Variants in SENP6 observed in about 807,000 individuals in gnomAD.
SENP6 encodes the protein SUMO specific peptidase 6.
A neutral mutation model predicts 134.5 loss-of-function variants in SENP6; 41 were observed. The observed-to-expected ratio is 0.30, with a 90% confidence interval of 0.24 to 0.40. The LOEUF (loss-of-function observed/expected upper bound fraction) is 0.40, where lower values mean the gene tolerates loss of function less well. SENP6 is among the 10% of genes least tolerant of loss of function. The pLI, the probability that SENP6 is intolerant of heterozygous loss-of-function variation, is 1.00. For synonymous variants in SENP6, 395 were observed against 429.8 expected (o/e 0.92, Z 1.00); for missense variants, 1,248 against 1,312.5 (o/e 0.95, Z 0.76).
rs1236227804 is a variant in SENP6 at position 75,717,180 on chromosome 6, C to T, written c.*1586C>T. On this transcript the variant is annotated 3_prime_UTR_variant, in exon 24 of 24. Transcript: ENST00000447266. Reference sequence around the variant, plus strand: ...TAATTTTATTATTTACTGAACATGGCAAAATGCTTTTCAATCTATAATAAA... The same window carrying T: ...TAATTTTATTATTTACTGAACATGGTAAAATGCTTTTCAATCTATAATAAA... 2.0e-5 allele frequency: 3 copies of T among 151,832 alleles called. No homozygotes were observed. Among genetic ancestry groups the T allele is most frequent in the African/African-American group, 7.2e-5 (3 of 41,400 alleles). The allele number at this position is 151,832 out of a possible 1,614,324, so 9.4% of individuals were successfully genotyped here.
intron 1 of SENP6, among the ~76,000 whole-genome samples, chr6:75,604,452 C>T (rs143852662): frequency 0.016 from 2,422 of 150,878 alleles, 66 homozygotes; most frequent in African/African-American, 0.056. Context: ...GCCAACATGG[C>T]GAAACCCCAC....
intron 16 of SENP6, among the ~76,000 whole-genome samples, chr6:75,692,158 C>T (rs1774323771): frequency 6.6e-6 from 1 of 152,006 alleles, no homozygotes; most frequent in African/African-American, 2.4e-5. Context: ...GCCTGGCCTC[C>T]CATAAGTTTT....
chr6:75,702,084 G>A (rs9343316), intron 18 of SENP6, among the ~76,000 whole-genome samples: 29,626 of 151,728 alleles, frequency 0.2, 3,320 homozygotes, highest in African/African-American at 0.3. Context: ...TTCAGGGATT[G>A]TTTGCAAAAG....
chr6:75,671,013 C>T (rs932563908), intron 11 of SENP6, among the ~76,000 whole-genome samples: 2 of 151,990 alleles, frequency 1.3e-5, no homozygotes, highest in African/African-American at 4.8e-5. Flanking sequence ...CAGCTAAGTG[C>T]ATGAAAAGAA....
intron 11 of SENP6, among the ~76,000 whole-genome samples, chr6:75,673,651 G>C (rs1253369151): frequency 2.0e-5 from 3 of 151,876 alleles, no homozygotes; most frequent in African/African-American, 7.2e-5. Context: ...ATTAATGTGT[G>C]ACTTACTTAG....
intron 11 of SENP6, among the ~76,000 whole-genome samples, chr6:75,674,806 TGAAA>T (rs1772959500): frequency 6.6e-6 from 1 of 152,234 alleles, no homozygotes; most frequent in African/African-American, 2.4e-5. Context: ...ACTGAAAAGT[TGAAA>T]GACTTTTGCA....
Position 75,658,898 on chromosome 6 carries a change from G to A in SENP6, c.551-364G>A, listed in dbSNP as rs375353979. Among the ~76,000 whole-genome samples, 5 of 141,438 alleles carry A rather than the reference G, an allele frequency of 3.5e-5. No homozygotes were observed. The East Asian group carries it at 8.6e-4, about 24-fold the overall frequency. 92.8% of individuals were successfully genotyped at this position (141,438 alleles called of 152,430 possible). On this transcript the variant is annotated intron_variant, in intron 7 of 23. Transcript: ENST00000447266. Reference sequence around the variant, plus strand: ...GAGGTGAGAAGATCACTTGAGCTAAGGTGTTTGAGATTAGAGTGAGCTATG... The same window carrying A: ...GAGGTGAGAAGATCACTTGAGCTAAAGTGTTTGAGATTAGAGTGAGCTATG...
In SENP6 at chr6:75,717,059, T is replaced by C. The variant is rs964581196; in HGVS notation, c.*1465T>C. On this transcript the variant is annotated 3_prime_UTR_variant, in exon 24 of 24. Transcript: ENST00000447266. ...CACCATTAGTGATATCAACTGTAGT[T>C]TGTTACTTTGAACTATATTTCTGAT... 1 of 152,002 alleles carries C rather than the reference T, an allele frequency of 6.6e-6. No homozygotes were observed. The highest frequency in any genetic ancestry group is 1.5e-5 in the Non-Finnish European group (1 of 67,862). 9.4% of individuals were successfully genotyped at this position (152,002 alleles called of 1,614,324 possible).
At chr6:75,647,861 A>G (rs2149849503) in intron 7 of SENP6, 60 bp downstream of exon 7, 2 of 1,286,348 alleles carry the variant, frequency 1.6e-6, no homozygotes, top group Admixed American at 1.8e-5. Context: ...GAAAAGTACA[A>G]TGGAGATACG....
Position 75,602,403 on chromosome 6 carries a change from G to C in SENP6, c.-122G>C, listed in dbSNP as rs1014743684. On this transcript the variant is annotated 5_prime_UTR_variant, in exon 1 of 24. Coordinates refer to ENST00000447266, the MANE Select transcript of SENP6 (RefSeq NM_015571.4). Reference sequence around the variant, plus strand: ...AACGTGGGAGCGCAGCCCGCCTGACGGCTGAGCCCGAGGCCCGCAACCCTG... The same window carrying C: ...AACGTGGGAGCGCAGCCCGCCTGACCGCTGAGCCCGAGGCCCGCAACCCTG... The C allele has an allele frequency of 8.5e-7, 1 of 1,176,058 alleles. No individual in the cohort carries two copies. The highest frequency in any genetic ancestry group is 2.1e-5 in the Admixed American group (1 of 46,998). The allele number at this position is 1,176,058 out of a possible 1,614,324, so 72.9% of individuals were successfully genotyped here.
chr6:75,663,423 A>G lies in SENP6; in HGVS notation c.899A>G (p.Gln300Arg). The change falls in exon 9 of 24, where the codon CAG becomes CGG. Residue 300 changes from glutamine (Q) to arginine (R), a missense_variant. Physicochemically the swap from Gln to Arg is conservative, Grantham distance 43. Coordinates refer to ENST00000447266, the MANE Select transcript of SENP6 (RefSeq NM_015571.4). ...GATGACAGTAAACACACTTATTTAC[A>G]GACTAATGGAAAAGTCATTTTACCT... ...NCDDSKHTYL[Q>R]TNGKVILPGA... 1.2e-6 allele frequency: 2 copies of G among 1,613,560 alleles called. No homozygotes were observed. The highest frequency in any genetic ancestry group is 2.2e-5 in the South Asian group (2 of 91,002).
chr6:75,688,258 A>T (rs972205862), intron 16 of SENP6, among the ~76,000 whole-genome samples: 2 of 152,190 alleles, frequency 1.3e-5, no homozygotes, highest in African/African-American at 4.8e-5. Flanking sequence ...GGAAAAGCAC[A>T]GTATTTGGGC....
In SENP6 at chr6:75,633,721, A is replaced by G; in HGVS notation, c.348A>G (p.Lys116=). 6.2e-7 allele frequency: 1 copy of G among 1,604,024 alleles called. No individual in the cohort carries two copies. Among genetic ancestry groups the G allele is most frequent in the African/African-American group, 1.3e-5 (1 of 74,278 alleles). ...IGLNMLSNNK[K]LSENTQNTSL... is the part of the protein sequence containing the mutation. ...TTAACATGTTGAGCAACAATAAGAA[A>G]TTGAGGTATAGGCACTTCACCACAC... The change falls in exon 4 of 24, where the codon AAA becomes AAG. Residue 116 remains lysine (K), a synonymous_variant. Coordinates refer to ENST00000447266, the MANE Select transcript of SENP6 (RefSeq NM_015571.4).
At chr6:75,621,092 G>A (rs185394019) in intron 1 of SENP6, among the ~76,000 whole-genome samples, 3 of 152,254 alleles carry the variant, frequency 2.0e-5, no homozygotes, top group South Asian at 2.1e-4. Flanking sequence ...AACCGAAAAC[G>A]TTGTTTGTTT....
At chr6:75,707,358 T>C (rs893528602) in intron 19 of SENP6, among the ~76,000 whole-genome samples, 7 of 82,004 alleles carry the variant, frequency 8.5e-5, no homozygotes, top group Non-Finnish European at 1.1e-4. Context: ...TCTTCTTCTT[T>C]TTTTTTTTTT....
At chr6:75,638,669 A>G (rs1382161482) in intron 5 of SENP6, among the ~76,000 whole-genome samples, 2 of 121,108 alleles carry the variant, frequency 1.7e-5, no homozygotes, top group Non-Finnish European at 3.2e-5. Context: ...TCCTTTTCCT[A>G]ACTCCCTTGG....
At chr6:75,708,392 C>G (rs954862639) in intron 19 of SENP6, among the ~76,000 whole-genome samples, 6 of 151,796 alleles carry the variant, frequency 4.0e-5, no homozygotes, top group African/African-American at 1.5e-4. Flanking sequence ...TCTACAATAA[C>G]TAAAAGTCAT....
In SENP6 at chr6:75,716,894, A is replaced by G. The variant is rs1269273040; in HGVS notation, c.*1300A>G. 1 of 151,990 alleles carries G rather than the reference A, an allele frequency of 6.6e-6. No homozygotes were observed. Among genetic ancestry groups the G allele is most frequent in the African/African-American group, 2.4e-5 (1 of 41,458 alleles). 9.4% of individuals were successfully genotyped at this position (151,990 alleles called of 1,614,324 possible). On this transcript the variant is annotated 3_prime_UTR_variant, in exon 24 of 24. Transcript: ENST00000447266. ...TTGGCCATCTCTGACATTGCAGTCA[A>G]TATCTTAGGGTATTTTCTTGAATTT...
chr6:75,637,658 G>T (rs993366426), intron 5 of SENP6, among the ~76,000 whole-genome samples: 19 of 152,050 alleles, frequency 1.2e-4, no homozygotes, highest in African/African-American at 4.3e-4. Context: ...TAGATAAAAA[G>T]ACTTATAAGA....
Sources: allele counts gnomAD v4.1 joint callset (sites outside exome capture counted in the v4.1 genomes callset), GRCh38; gene constraint gnomAD v4.1.1; transcripts MANE v1.5; gene names NCBI Gene and HGNC (gene_info 2026-07-23, HGNC 2026-07-21).